SYCP2: variants seen among roughly 807,000 people sequenced by gnomAD.
The protein encoded by SYCP2 is synaptonemal complex protein 2.
SYCP2 carries 55 observed loss-of-function variants against 211.3 expected under a neutral mutation model. The ratio of observed to expected loss-of-function variants is 0.26; its 90% CI spans 0.21 to 0.33. The LOEUF is 0.33. SYCP2 is among the 10% of genes least tolerant of loss of function. The pLI is 1.00. For missense variants in SYCP2, 1,731 were observed against 1,752.0 expected (o/e 0.99, Z 0.21); for synonymous variants, 570 against 555.2 (o/e 1.03, Z -0.37).
chr20:59,870,151 CA>C (rs1367386112), intron 35 of SYCP2, among the ~76,000 whole-genome samples, 168 bp from the exon 36 acceptor site: 2 of 151,726 alleles, frequency 1.3e-5, no homozygotes, highest in Non-Finnish European at 2.9e-5. Context: ...AATCCTTAGG[CA>C]AGTGGATTAT....
chr20:59,885,373 G>C (rs184617424), intron 26 of SYCP2, among the ~76,000 whole-genome samples: 2 of 152,180 alleles, frequency 1.3e-5, no homozygotes, highest in Non-Finnish European at 2.9e-5. Flanking sequence ...AAAACCTATT[G>C]TAACAATCCA....
chr20:59,866,151 T>C (rs1201941649), intron 41 of SYCP2, 142 bp downstream of exon 41: 3 of 524,056 alleles, frequency 5.7e-6, no homozygotes, highest in Non-Finnish European at 1.0e-5. Flanking sequence ...TCTATGAAGC[T>C]GATTAGAAAT....
chr20:59,911,705 T>C (rs772698877), intron 14 of SYCP2, 45 bp downstream of exon 14: 1 of 827,306 alleles, frequency 1.2e-6, no homozygotes, highest in Non-Finnish European at 1.8e-6. Flanking sequence ...AAAAATCTTA[T>C]ATATGCATAT....
Position 59,907,433 on chromosome 20 carries a change from T to A in SYCP2, c.973-9A>T, listed in dbSNP as rs746782954. 6.2e-7 allele frequency: 1 copy of A among 1,607,218 alleles called. No individual in the cohort carries two copies. On this transcript the variant is annotated splice_polypyrimidine_tract_variant and intron_variant, in intron 14 of 44. Coordinates refer to ENST00000357552, the MANE Select transcript of SYCP2 (RefSeq NM_014258.4). ...GCTTCCCATTGATGATCCTTAAATT[T>A]AAAAGCAGGTTTTGGCCATAAATAA... is the stretch of plus-strand genomic sequence containing the variant.
intron 34 of SYCP2, 72 bp downstream of exon 34, chr20:59,875,199 G>T (rs2059531782): frequency 2.1e-6 from 2 of 968,008 alleles, no homozygotes; most frequent in Non-Finnish European, 3.0e-6. Context: ...TCTTAAAATT[G>T]TATTTTCCCA....
intron 24 of SYCP2, among the ~76,000 whole-genome samples, chr20:59,891,552 G>A (rs6064859): frequency 0.02 from 3,023 of 151,962 alleles, 41 homozygotes; most frequent in Middle Eastern, 0.041. Context: ...TCCAAAAAAT[G>A]TTTGAGATGC....
chr20:59,879,822 A>AATATATATATATATATATATATATAT (rs1159547809), intron 31 of SYCP2, among the ~76,000 whole-genome samples: 1 of 51,118 alleles, frequency 2.0e-5, no homozygotes, highest in Non-Finnish European at 3.2e-5. Context: ...AATATAAATA[A>AATATATATATATATATATATATATAT]ATATATATAT....
intron 26 of SYCP2, among the ~76,000 whole-genome samples, chr20:59,883,306 G>A (rs1388225794): frequency 2.6e-5 from 4 of 152,038 alleles, no homozygotes; most frequent in African/African-American, 7.2e-5. Flanking sequence ...CCAAGATCAC[G>A]CCACTGCACT....
rs201189977 is a variant in SYCP2, at chr20:59,877,495, G to C, written c.3040C>G (p.Leu1014Val). Residue 1014 changes from leucine (L) to valine (V), a missense_variant, in exon 33 of 45, where the codon CTT becomes GTT. Coordinates refer to ENST00000357552, the MANE Select transcript of SYCP2 (RefSeq NM_014258.4). ...TTTGTTTTGGTTGCTTTTCGTGGAA[G>C]TCTGATTCTTCCTTCCGGAATTGTC... ...DKTIPEGRIRLPRKATKTKKN... is the reference protein window; with the variant it reads ...DKTIPEGRIRVPRKATKTKKN... 4.1e-5 allele frequency: 66 copies of C among 1,606,094 alleles called. No homozygotes were observed. The highest frequency in any genetic ancestry group is 5.3e-5 in the Non-Finnish European group (62 of 1,178,138).
chr20:59,922,241 G>T, intron 3 of SYCP2, 149 bp downstream of exon 3: 1 of 654,078 alleles, frequency 1.5e-6, no homozygotes, highest in South Asian at 2.5e-5. Context: ...ATGAATACAT[G>T]AAAGGACACT....
chr20:59,872,506 GTAA>G (rs1453457556), intron 35 of SYCP2, among the ~76,000 whole-genome samples: 1 of 151,902 alleles, frequency 6.6e-6, no homozygotes, highest in East Asian at 1.9e-4. Context: ...TTTTGTCATT[GTAA>G]TAATTTATAA....
chr20:59,875,874 T>A (rs941884002), intron 33 of SYCP2, among the ~76,000 whole-genome samples: 1 of 151,998 alleles, frequency 6.6e-6, no homozygotes, highest in Admixed American at 6.6e-5. Flanking sequence ...GCACAGGTCT[T>A]TTTTGGGAGT....
chr20:59,905,798 A>G (rs1369460477), intron 15 of SYCP2, among the ~76,000 whole-genome samples: 1 of 152,152 alleles, frequency 6.6e-6, no homozygotes, highest in African/African-American at 2.4e-5. Flanking sequence ...GTTCTTTCCT[A>G]AGCAAAGATT....
intron 26 of SYCP2, among the ~76,000 whole-genome samples, chr20:59,883,103 C>G (rs2145684682): frequency 6.6e-6 from 1 of 152,286 alleles, no homozygotes; most frequent in Middle Eastern, 3.4e-3. Flanking sequence ...AACCCCAGCA[C>G]TTTGGGAGGC....
At chr20:59,885,455 A>G (rs1461238539) in intron 26 of SYCP2, among the ~76,000 whole-genome samples, 1 of 152,164 alleles carries the variant, frequency 6.6e-6, no homozygotes, top group Non-Finnish European at 1.5e-5. Context: ...ATTCAAGAAG[A>G]ACTTACAGAG....
At chr20:59,870,900 C>A (rs910512547) in intron 35 of SYCP2, among the ~76,000 whole-genome samples, 2 of 151,614 alleles carry the variant, frequency 1.3e-5, no homozygotes, top group African/African-American at 2.4e-5. Context: ...AAAAAGAAAG[C>A]CTGGAGAGAC....
chr20:59,866,722 C>A (rs1447297796), intron 39 of SYCP2, 133 bp from the exon 40 acceptor site: 1 of 644,370 alleles, frequency 1.6e-6, no homozygotes, highest in Non-Finnish European at 2.6e-6. Flanking sequence ...AAATTAAAAA[C>A]TCAGTTATTT....
intron 16 of SYCP2, among the ~76,000 whole-genome samples, chr20:59,901,456 G>C (rs1600910828): frequency 6.6e-6 from 1 of 152,030 alleles, no homozygotes; most frequent in Non-Finnish European, 1.5e-5. Flanking sequence ...AGCAGCTGCT[G>C]CTAATTTTGT....
chr20:59,880,777 C>T (rs926654343), intron 30 of SYCP2, among the ~76,000 whole-genome samples, 189 bp downstream of exon 30: 5 of 151,546 alleles, frequency 3.3e-5, no homozygotes, highest in African/African-American at 9.7e-5. Flanking sequence ...AAAAACTAAA[C>T]GTGGCATTTC....
Sources: gnomAD v4.1 joint callset for allele counts (sites outside exome capture counted in the v4.1 genomes callset) on GRCh38, gnomAD v4.1.1 for gene constraint, MANE v1.5 for transcripts, NCBI Gene and HGNC (gene_info 2026-07-23, HGNC 2026-07-21) for gene names.